The following CLTCL1 variants were observed in gnomAD, a reference collection of about 807,000 sequenced individuals.
CLTCL1 encodes clathrin heavy chain like 1.
Under a neutral mutation model 190.0 loss-of-function variants are expected in CLTCL1, and 159 were observed. That is an observed-to-expected ratio of 0.84 (90% CI 0.74 to 0.95). The LOEUF (loss-of-function observed/expected upper bound fraction) is 0.95. Ranked by LOEUF, CLTCL1 falls within the 40% of genes least tolerant of loss-of-function variation. The pLI, the probability that CLTCL1 is intolerant of heterozygous loss-of-function variation, is 0.00. For missense variants in CLTCL1, 1,878 were observed against 2,033.4 expected (o/e 0.92, Z 1.47); for synonymous variants, 752 against 769.6 (o/e 0.98, Z 0.38).
intron 3 of CLTCL1, chr22:19,250,017 G>A (rs2086542379): frequency 3.4e-6 from 1 of 293,080 alleles, no homozygotes; most frequent in African/African-American, 2.2e-5. Context: ...ACTTTGGGAG[G>A]CCGAGGTGGG....
At chr22:19,255,714 A>G (rs1555972086) in intron 2 of CLTCL1, among the ~76,000 whole-genome samples, 1 of 151,714 alleles carries the variant, frequency 6.6e-6, no homozygotes, top group African/African-American at 2.4e-5. Context: ...GTTCAAGAAC[A>G]GCCTGGCCAA....
intron 30 of CLTCL1, chr22:19,183,154 A>G: frequency 1.9e-6 from 1 of 512,994 alleles, no homozygotes; most frequent in Non-Finnish European, 3.6e-6. Context: ...CAGAGTCTAC[A>G]GGAGGGCTGC....
chr22:19,201,943 G>C (rs2084900580), intron 22 of CLTCL1, among the ~76,000 whole-genome samples: 1 of 151,992 alleles, frequency 6.6e-6, no homozygotes, highest in Non-Finnish European at 1.5e-5. Context: ...CTTCCTATGA[G>C]CTGGGGACCT....
At chr22:19,290,986 C>T (rs1176103711) in intron 1 of CLTCL1, among the ~76,000 whole-genome samples, 2 of 152,204 alleles carry the variant, frequency 1.3e-5, no homozygotes, top group African/African-American at 4.8e-5. Context: ...GCACGACGCC[C>T]GACCTGAGCC....
intron 1 of CLTCL1, among the ~76,000 whole-genome samples, chr22:19,286,193 T>C (rs1182698974): frequency 6.6e-6 from 1 of 152,190 alleles, no homozygotes; most frequent in East Asian, 1.9e-4. Context: ...ATGGTGAAGA[T>C]CTGTTTTTCC....
intron 5 of CLTCL1, among the ~76,000 whole-genome samples, chr22:19,236,676 G>T (rs2086091557): frequency 6.6e-6 from 1 of 152,160 alleles, no homozygotes; most frequent in Non-Finnish European, 1.5e-5. Flanking sequence ...TGAGTGTGTG[G>T]TGGCTAATGA....
At chr22:19,200,410 T>C (rs1555938576) in intron 23 of CLTCL1, among the ~76,000 whole-genome samples, 3 of 152,230 alleles carry the variant, frequency 2.0e-5, no homozygotes, top group African/African-American at 7.2e-5. Flanking sequence ...CCCTGACAAA[T>C]TTCCCACATA....
At chr22:19,189,120 G>A (rs569342289) in intron 27 of CLTCL1, among the ~76,000 whole-genome samples, 1 of 152,140 alleles carries the variant, frequency 6.6e-6, no homozygotes, top group South Asian at 2.1e-4. Flanking sequence ...GGTCAGGCTG[G>A]TCTCGACCTC....
chr22:19,273,892 T>C (rs1461305072), intron 2 of CLTCL1, among the ~76,000 whole-genome samples: 3 of 152,124 alleles, frequency 2.0e-5, no homozygotes, highest in African/African-American at 7.2e-5. Flanking sequence ...TCTCTCCCAC[T>C]GCAACAGTAA....
intron 23 of CLTCL1, among the ~76,000 whole-genome samples, 170 bp downstream of exon 23, chr22:19,201,159 G>C (rs549829222): frequency 6.6e-6 from 1 of 152,208 alleles, no homozygotes; most frequent in South Asian, 2.1e-4. Context: ...ATTCTCTGGG[G>C]CCTCTGTTCC....
At chr22:19,183,643 C>A in intron 29 of CLTCL1, 32 bp from the exon 30 acceptor site, 1 of 1,608,118 alleles carries the variant, frequency 6.2e-7, no homozygotes. Flanking sequence ...GCTTGGGCAT[C>A]CTGCAGGCAG....
At chr22:19,285,274 TAAAAAA>T (rs1223526589) in intron 1 of CLTCL1, among the ~76,000 whole-genome samples, 1 of 150,762 alleles carries the variant, frequency 6.6e-6, no homozygotes, top group Non-Finnish European at 1.5e-5. Flanking sequence ...GACTCCATCT[TAAAAAA>T]AAGAAAAAGA....
intron 15 of CLTCL1, 54 bp from the exon 16 acceptor site, chr22:19,222,147 G>C: frequency 6.3e-7 from 1 of 1,596,180 alleles, no homozygotes; most frequent in Non-Finnish European, 8.6e-7. Context: ...GTTATTGTTA[G>C]AAGCCTCCTA....
intron 19 of CLTCL1, among the ~76,000 whole-genome samples, chr22:19,211,907 C>T (rs2085241428): frequency 6.9e-6 from 1 of 144,846 alleles, no homozygotes; most frequent in Non-Finnish European, 1.5e-5. Context: ...GGTCAACATA[C>T]AAAAATCAAT....
chr22:19,252,054 G>A (rs184714037), intron 3 of CLTCL1, among the ~76,000 whole-genome samples: 15 of 152,278 alleles, frequency 9.9e-5, no homozygotes, highest in Admixed American at 2.6e-4. Context: ...GGAACAGAGC[G>A]TTCCAGAAAT....
chr22:19,194,416 A>C lies in CLTCL1; in HGVS notation c.4191+1850T>G, dbSNP rs540531326. On this transcript the variant is annotated intron_variant, in intron 26 of 32. Coordinates refer to ENST00000427926, the MANE Select transcript of CLTCL1 (RefSeq NM_007098.4). ...AGAATCGCTCGAGGCTGGGAGGCGG[A>C]GGTTGCAGTGAGCCAAGATCGCGCC... Among the ~76,000 whole-genome samples the C allele has an allele frequency of 1.8e-4, 27 of 152,342 alleles. No individual in the cohort carries two copies. In the South Asian group the frequency reaches 5.6e-3, roughly 32 times the overall value.
chr22:19,251,285 G>A (rs139321247), intron 3 of CLTCL1, among the ~76,000 whole-genome samples: 189 of 152,196 alleles, frequency 1.2e-3, no homozygotes, highest in Middle Eastern at 6.8e-3. Flanking sequence ...CGTTGCAAAT[G>A]TTTAGGAACA....
intron 29 of CLTCL1, chr22:19,184,954 G>C (rs1555927601): frequency 5.6e-6 from 1 of 180,064 alleles, no homozygotes; most frequent in Non-Finnish European, 1.2e-5. Context: ...GCAGGCCCCT[G>C]CTCTTCACTG....
At chr22:19,208,348 T>G in intron 21 of CLTCL1, 37 bp from the exon 22 acceptor site, 1 of 1,603,274 alleles carries the variant, frequency 6.2e-7, no homozygotes. Flanking sequence ...AACCCAGAGC[T>G]GATAATTTTA....
Sources: allele counts gnomAD v4.1 joint callset (sites outside exome capture counted in the v4.1 genomes callset), GRCh38; gene constraint gnomAD v4.1.1; transcripts MANE v1.5; gene names NCBI Gene and HGNC (gene_info 2026-07-23, HGNC 2026-07-21).